The following ARRB1 variants were observed in gnomAD, a reference collection of about 807,000 sequenced individuals.
ARRB1 encodes beta-arrestin-1.
ARRB1 carries 21 observed loss-of-function variants against 56.8 expected under a neutral mutation model. The observed-to-expected ratio is 0.37, with a 90% confidence interval of 0.26 to 0.53. ARRB1 has a LOEUF of 0.53. ARRB1 is among the 20% of genes least tolerant of loss of function. The pLI, the probability that ARRB1 is intolerant of heterozygous loss-of-function variation, is 0.88. For missense variants in ARRB1, 424 were observed against 553.7 expected (o/e 0.77, Z 2.35); for synonymous variants, 210 against 218.6 (o/e 0.96, Z 0.35).
intron 6 of ARRB1, 55 bp from the exon 7 acceptor site, chr11:75,281,197 C>G (rs1946327962): frequency 2.0e-6 from 3 of 1,499,306 alleles, no homozygotes; most frequent in Non-Finnish European, 2.7e-6. Context: ...GTCCCCAGTA[C>G]ACAGCCAGCC....
chr11:75,273,938 C>T, intron 11 of ARRB1, 136 bp downstream of exon 11: 1 of 1,353,822 alleles, frequency 7.4e-7, no homozygotes, highest in Non-Finnish European at 1.0e-6. Context: ...ACAAGTCAAG[C>T]ACCTGAGGAC....
Position 75,338,318 on chromosome 11 carries a change from T to C in ARRB1, c.20+13270A>G, listed in dbSNP as rs115852953. 2.7e-3 allele frequency among the ~76,000 whole-genome samples: 414 copies of C among 152,282 alleles called. 1 individual carries two copies. The highest frequency in any genetic ancestry group is 9.6e-3 in the African/African-American group (398 of 41,560). ...GACAGCAACTAGAAGACAATTGTAA[T>C]GATCCAGGCCAGGAGTGGGGCTTGA... is the stretch of plus-strand genomic sequence containing the variant. On this transcript the variant is annotated intron_variant, in intron 1 of 15. Transcript: ENST00000420843.
intron 1 of ARRB1, among the ~76,000 whole-genome samples, chr11:75,334,566 C>T (rs2134978045): frequency 6.6e-6 from 1 of 152,308 alleles, no homozygotes; most frequent in South Asian, 2.1e-4. Context: ...TCCTGAGCTC[C>T]CAGGACAAGC....
intron 1 of ARRB1, among the ~76,000 whole-genome samples, chr11:75,291,953 G>A (rs1946620658): frequency 6.6e-6 from 1 of 152,098 alleles, no homozygotes; most frequent in African/African-American, 2.4e-5. Flanking sequence ...CCTTCCAGAA[G>A]AGAAGGCGAG....
chr11:75,309,173 G>A (rs956979812), intron 1 of ARRB1, among the ~76,000 whole-genome samples: 3 of 152,156 alleles, frequency 2.0e-5, no homozygotes, highest in African/African-American at 4.8e-5. Flanking sequence ...ACAAATGGGC[G>A]CAGCCAGCAT....
At chr11:75,267,192 C>T (rs988318708) in intron 15 of ARRB1, among the ~76,000 whole-genome samples, 2 of 152,208 alleles carry the variant, frequency 1.3e-5, no homozygotes, top group African/African-American at 4.8e-5. Flanking sequence ...CCCCTCTGGC[C>T]ACTGTCCGGT....
chr11:75,321,303 A>C (rs1166548969), intron 1 of ARRB1, among the ~76,000 whole-genome samples: 1 of 90,262 alleles, frequency 1.1e-5, no homozygotes, highest in African/African-American at 4.2e-5. Flanking sequence ...CTTCCTCAGG[A>C]CTCTATTATG....
Position 75,293,573 on chromosome 11 carries a change from G to A in ARRB1, c.21-3534C>T, listed in dbSNP as rs1357917213. 3.3e-5 allele frequency among the ~76,000 whole-genome samples: 5 copies of A among 152,134 alleles called. No individual in the cohort carries two copies. In the East Asian group the frequency reaches 5.8e-4, roughly 18 times the overall value. On this transcript the variant is annotated intron_variant, in intron 1 of 15. Transcript: ENST00000420843. ...AAATTTCCAGGATGCCAGAGGCAGG[G>A]TCTGCCTCATCCCCAGCCCCATCTA... is the stretch of plus-strand genomic sequence containing the variant.
intron 1 of ARRB1, among the ~76,000 whole-genome samples, chr11:75,340,219 C>A (rs1324692377): frequency 6.6e-6 from 1 of 152,248 alleles, no homozygotes; most frequent in South Asian, 2.1e-4. Context: ...CAGGACGAGG[C>A]CTGTTTCCTC....
rs1419013240 is a variant in ARRB1 at position 75,264,501 on chromosome 11, T to C, written c.*1662A>G. On this transcript the variant is annotated 3_prime_UTR_variant, in exon 16 of 16. Transcript: ENST00000420843. ...CAAGCCTCAGCAAAGATATGCTCTG[T>C]CCCTCCTTGGGCAACTCATGCTACC... The C allele has an allele frequency of 6.6e-6, 1 of 152,354 alleles. No homozygotes were observed. Among genetic ancestry groups the C allele is most frequent in the South Asian group, 2.1e-4 (1 of 4,830 alleles). 9.4% of individuals were successfully genotyped at this position (152,354 alleles called of 1,614,324 possible).
intron 1 of ARRB1, among the ~76,000 whole-genome samples, chr11:75,336,934 T>G (rs1420427619): frequency 6.6e-6 from 1 of 152,220 alleles, no homozygotes; most frequent in East Asian, 1.9e-4. Flanking sequence ...GATTTGAACT[T>G]GATCCAATGA....
intron 1 of ARRB1, among the ~76,000 whole-genome samples, chr11:75,316,353 C>A (rs545946699): frequency 6.6e-6 from 1 of 151,850 alleles, no homozygotes; most frequent in South Asian, 2.1e-4. Context: ...CTGGTTATGT[C>A]CTTATCTCCT....
intron 1 of ARRB1, among the ~76,000 whole-genome samples, chr11:75,308,397 G>A (rs140669027): frequency 1.3e-5 from 2 of 152,320 alleles, no homozygotes; most frequent in African/African-American, 4.8e-5. Flanking sequence ...CTGAATGCCT[G>A]TTCACTGAAA....
At chr11:75,312,397 AC>A (rs1947181357) in intron 1 of ARRB1, among the ~76,000 whole-genome samples, 1 of 151,944 alleles carries the variant, frequency 6.6e-6, no homozygotes, top group South Asian at 2.1e-4. Flanking sequence ...ACTGCCAGGG[AC>A]CTTGTCTTAC....
intron 6 of ARRB1, 79 bp downstream of exon 6, chr11:75,281,883 A>C (rs1291243505): frequency 6.9e-7 from 1 of 1,448,254 alleles, no homozygotes; most frequent in Non-Finnish European, 9.6e-7. Context: ...TGTGTCCAGC[A>C]CCTCCCAGGG....
chr11:75,296,709 ACT>A (rs1277743081), intron 1 of ARRB1, among the ~76,000 whole-genome samples: 2 of 151,706 alleles, frequency 1.3e-5, no homozygotes, highest in East Asian at 3.9e-4. Flanking sequence ...ATGGAGTCTC[ACT>A]CTGTCACCCA....
At chr11:75,277,618 C>T (rs1221739164) in intron 8 of ARRB1, among the ~76,000 whole-genome samples, 170 bp from the exon 9 acceptor site, 7 of 152,236 alleles carry the variant, frequency 4.6e-5, no homozygotes, top group Non-Finnish European at 1.5e-5. Context: ...CAGGTTCATG[C>T]CCCCTCTGCC....
intron 1 of ARRB1, among the ~76,000 whole-genome samples, chr11:75,299,893 G>A (rs767972168): frequency 4.0e-5 from 6 of 151,734 alleles, no homozygotes; most frequent in South Asian, 2.1e-4. Flanking sequence ...ATTCAAGTAT[G>A]AGGATGGATG....
At chr11:75,289,163 C>A (rs1591925379) in intron 2 of ARRB1, among the ~76,000 whole-genome samples, 1 of 152,306 alleles carries the variant, frequency 6.6e-6, no homozygotes, top group East Asian at 1.9e-4. Flanking sequence ...ATTTGCCAAC[C>A]CAGGCCAGCT....
Sources: allele counts gnomAD v4.1 joint callset (sites outside exome capture counted in the v4.1 genomes callset), GRCh38; gene constraint gnomAD v4.1.1; transcripts MANE v1.5; gene names NCBI Gene and HGNC (gene_info 2026-07-23, HGNC 2026-07-21).